PPHLN1: variants seen among roughly 807,000 people sequenced by gnomAD.
PPHLN1 encodes periphilin 1.
In PPHLN1, 29 loss-of-function variants were observed where a neutral mutation model predicts 51.3. The observed-to-expected ratio is 0.57, with a 90% CI of 0.42 to 0.77. The LOEUF (loss-of-function observed/expected upper bound fraction) is 0.77, where lower values mean the gene tolerates loss of function less well. PPHLN1 is among the 30% of genes least tolerant of loss of function. PPHLN1 has a pLI of 0.00. For synonymous variants in PPHLN1, 147 were observed against 147.8 expected, an observed-to-expected ratio of 0.99 and a Z score of 0.04; for missense variants, 436 against 438.4, an observed-to-expected ratio of 0.99 and a Z score of 0.05.
chr12:42,387,512 G>C lies in PPHLN1; in HGVS notation c.625G>C (p.Gly209Arg), dbSNP rs2077291338. 1 of 1,612,746 alleles carries C rather than the reference G, an allele frequency of 6.2e-7. No individual in the cohort carries two copies. Among genetic ancestry groups the C allele is most frequent in the Non-Finnish European group, 8.5e-7 (1 of 1,179,538 alleles). Reference sequence around the variant, plus strand: ...ATCAAGAGATACTTCACCCTCAAGTGGTTCAGCAGTTTCTTCATCAAAGGT... The same window carrying C: ...ATCAAGAGATACTTCACCCTCAAGTCGTTCAGCAGTTTCTTCATCAAAGGT... ...KTSRDTSPSS[G>R]SAVSSSKVLD... Residue 209 changes from glycine (G) to arginine (R), a missense_variant, in exon 7 of 10, where the codon GGT (glycine) becomes CGT (arginine). Coordinates refer to ENST00000358314, the MANE Select transcript of PPHLN1 (RefSeq NM_201439.2).
At position 42,334,179 on chromosome 12, in the gene PPHLN1, G is replaced by T. The variant is rs567053519; in HGVS notation, c.-20-1704G>T. ...TTTACTTCCCTTTCAAGCTTCCATA[G>T]TTCTTGCACCTAAAAGACTGATTGC... is the stretch of plus-strand genomic sequence containing the variant. On this transcript the variant is annotated intron_variant, in intron 1 of 9. Transcript: ENST00000358314. Among the ~76,000 whole-genome samples the T allele has an allele frequency of 3.8e-4, 58 of 152,250 alleles. 1 individual carries two copies. The South Asian group carries it at 0.012, about 32-fold the overall frequency.
intron 9 of PPHLN1, among the ~76,000 whole-genome samples, chr12:42,424,264 C>G (rs2081239904): frequency 6.6e-6 from 1 of 152,148 alleles, no homozygotes; most frequent in Non-Finnish European, 1.5e-5. Flanking sequence ...CTCAAACTAC[C>G]TTCAGCAAGT....
chr12:42,370,565 C>T (rs1354106682), intron 4 of PPHLN1, among the ~76,000 whole-genome samples: 1 of 152,122 alleles, frequency 6.6e-6, no homozygotes, highest in Non-Finnish European at 1.5e-5. Context: ...TTGGCTCCTT[C>T]TTTACCATTA....
At position 42,412,991 on chromosome 12, in the gene PPHLN1, T is replaced by A. The variant is rs547895823; in HGVS notation, c.909+13997T>A. ...ATGATTATTATTTTTTCTTGCTGAT[T>A]TGAGTTCCTCGTAGATTCTAGATAT... On this transcript the variant is annotated intron_variant, in intron 9 of 9. Transcript: ENST00000358314. 3.3e-5 allele frequency among the ~76,000 whole-genome samples: 5 copies of A among 152,328 alleles called. No individual in the cohort carries two copies. In the East Asian group the frequency reaches 9.6e-4, roughly 29 times the overall value.
At chr12:42,367,860 G>A (rs907718956) in intron 4 of PPHLN1, among the ~76,000 whole-genome samples, 15 of 151,992 alleles carry the variant, frequency 9.9e-5, no homozygotes, top group African/African-American at 3.1e-4. Flanking sequence ...TCAGCCTCCC[G>A]AGCAGCTGGG....
At chr12:42,351,668 A>G (rs2073378801) in intron 2 of PPHLN1, among the ~76,000 whole-genome samples, 2 of 152,094 alleles carry the variant, frequency 1.3e-5, no homozygotes, top group Admixed American at 1.3e-4. Flanking sequence ...GCTGCATGTC[A>G]TTTTGAACAC....
chr12:42,343,199 T>C (rs2071749950), intron 2 of PPHLN1, among the ~76,000 whole-genome samples: 2 of 150,910 alleles, frequency 1.3e-5, no homozygotes, highest in Non-Finnish European at 3.0e-5. Context: ...TGAAATATTT[T>C]TTCTTTCCAT....
At chr12:42,355,249 G>C (rs780283962) in intron 4 of PPHLN1, 27 bp downstream of exon 4, 2 of 1,587,294 alleles carry the variant, frequency 1.3e-6, no homozygotes, top group South Asian at 2.2e-5. Context: ...AATAGCATAA[G>C]TACTTTGATA....
intron 9 of PPHLN1, among the ~76,000 whole-genome samples, chr12:42,438,246 G>A (rs1043733183): frequency 6.6e-6 from 1 of 152,144 alleles, no homozygotes; most frequent in African/African-American, 2.4e-5. Context: ...GAAACTGCTG[G>A]ACTGTCTACC....
chr12:42,371,529 T>A (rs1473173219), intron 4 of PPHLN1, among the ~76,000 whole-genome samples: 1 of 152,230 alleles, frequency 6.6e-6, no homozygotes, highest in Non-Finnish European at 1.5e-5. Context: ...TTTTTTAAGG[T>A]CTTACTGTTC....
At chr12:42,375,605 T>A (rs879769037) in intron 5 of PPHLN1, among the ~76,000 whole-genome samples, 2 of 152,146 alleles carry the variant, frequency 1.3e-5, no homozygotes, top group Non-Finnish European at 2.9e-5. Flanking sequence ...CCACTGCTCC[T>A]GGCCAGCCTT....
At chr12:42,433,770 A>T (rs966096704) in intron 9 of PPHLN1, among the ~76,000 whole-genome samples, 1 of 152,236 alleles carries the variant, frequency 6.6e-6, no homozygotes, top group Non-Finnish European at 1.5e-5. Context: ...CTGAGGAAAG[A>T]TAAGTTGGTC....
intron 9 of PPHLN1, among the ~76,000 whole-genome samples, chr12:42,420,076 C>T (rs2080848139): frequency 6.6e-6 from 1 of 152,158 alleles, no homozygotes; most frequent in South Asian, 2.1e-4. Flanking sequence ...CAGAATGCAG[C>T]TGCTACACAA....
At chr12:42,347,897 C>T (rs1172812658) in intron 2 of PPHLN1, among the ~76,000 whole-genome samples, 1 of 152,172 alleles carries the variant, frequency 6.6e-6, no homozygotes, top group Non-Finnish European at 1.5e-5. Flanking sequence ...ATACAGTCCT[C>T]TTTGCTACAG....
intron 9 of PPHLN1, among the ~76,000 whole-genome samples, chr12:42,411,333 T>G (rs2079795290): frequency 6.6e-6 from 1 of 152,120 alleles, no homozygotes; most frequent in Non-Finnish European, 1.5e-5. Flanking sequence ...TGTGGCTGAC[T>G]GCCGCAGTTA....
At chr12:42,355,310 A>T (rs1458119890) in intron 4 of PPHLN1, 88 bp downstream of exon 4, 1 of 1,153,104 alleles carries the variant, frequency 8.7e-7, no homozygotes, top group Non-Finnish European at 1.3e-6. Context: ...AGGCACATAG[A>T]TGAAATATTT....
intron 8 of PPHLN1, among the ~76,000 whole-genome samples, chr12:42,397,037 C>CA (rs34558119): frequency 0.61 from 79,065 of 128,804 alleles, 22,836 homozygotes; most frequent in Admixed American, 0.67. Flanking sequence ...GACCTAGTCT[C>CA]AAAAAAAAAA....
At chr12:42,444,864 G>A (rs1157811858), downstream of PPHLN1, 7 of 571,758 alleles carry the variant, frequency 1.2e-5, no homozygotes, top group Admixed American at 1.6e-4. Flanking sequence ...GCTTTTTACC[G>A]ATGGCTCTCG....
At chr12:42,332,744 A>C (rs1230956518) in intron 1 of PPHLN1, 1 of 1,236,154 alleles carries the variant, frequency 8.1e-7, no homozygotes, top group Non-Finnish European at 1.1e-6. Context: ...AGTTATTGTT[A>C]CATTTTTTGT....
Sources: gnomAD v4.1 joint callset for allele counts (sites outside exome capture counted in the v4.1 genomes callset) on GRCh38, gnomAD v4.1.1 for gene constraint, MANE v1.5 for transcripts, NCBI Gene and HGNC (gene_info 2026-07-23, HGNC 2026-07-21) for gene names.